Variants in LARS2 observed in about 807,000 individuals in gnomAD.
The protein encoded by LARS2 is leucine--tRNA ligase, mitochondrial.
Under a neutral mutation model 116.6 loss-of-function variants are expected in LARS2, and 81 were observed. The ratio of observed to expected loss-of-function variants is 0.69; its 90% CI spans 0.58 to 0.84. The LOEUF (loss-of-function observed/expected upper bound fraction) is 0.84. LARS2 is among the 40% of genes least tolerant of loss of function. The pLI is 0.00. For synonymous variants in LARS2, 396 were observed against 407.2 expected, an observed-to-expected ratio of 0.97 and a Z score of 0.33; for missense variants, 968 against 1,114.5, an observed-to-expected ratio of 0.87 and a Z score of 1.87.
chr3:45,477,964 T>C lies in LARS2; in HGVS notation c.1018+1337T>C, dbSNP rs554461570. On this transcript the variant is annotated intron_variant, in intron 10 of 21. Coordinates refer to ENST00000645846, the MANE Select transcript of LARS2 (RefSeq NM_015340.4). ...TTTCTAAAGAGCCTGCTGCATGCAC[T>C]CTTGGTGGGGCATAGATGAGCCATT... Among the ~76,000 whole-genome samples, 8 of 152,282 alleles carry C rather than the reference T, an allele frequency of 5.3e-5. No homozygotes were observed. The South Asian group carries it at 1.7e-3, about 32-fold the overall frequency.
intron 8 of LARS2, among the ~76,000 whole-genome samples, chr3:45,469,977 G>A (rs1359852793): frequency 6.6e-6 from 1 of 152,160 alleles, no homozygotes; most frequent in Non-Finnish European, 1.5e-5. Flanking sequence ...AGATGTTGTT[G>A]TTCAATCTTG....
chr3:45,463,875 G>C (rs898224531), intron 8 of LARS2, among the ~76,000 whole-genome samples: 4 of 152,024 alleles, frequency 2.6e-5, no homozygotes, highest in Admixed American at 1.3e-4. Context: ...TCTGCCCAGC[G>C]GTCCAAGGAG....
At chr3:45,430,402 C>G (rs1409646627) in intron 6 of LARS2, among the ~76,000 whole-genome samples, 3 of 150,018 alleles carry the variant, frequency 2.0e-5, no homozygotes, top group Non-Finnish European at 3.0e-5. Context: ...CCTCAGCCTC[C>G]TGAGTAGCTG....
At chr3:45,531,237 C>G (rs539524951) in intron 20 of LARS2, among the ~76,000 whole-genome samples, 23 of 150,874 alleles carry the variant, frequency 1.5e-4, no homozygotes, top group African/African-American at 5.4e-4. Flanking sequence ...TATATGTAGA[C>G]TGATAAAAAA....
chr3:45,426,977 G>A (rs949308432), intron 6 of LARS2, among the ~76,000 whole-genome samples: 1 of 152,174 alleles, frequency 6.6e-6, no homozygotes, highest in Non-Finnish European at 1.5e-5. Flanking sequence ...CTCAGTTTTG[G>A]TGATGGATCT....
intron 6 of LARS2, chr3:45,421,924 G>T (rs563309165): frequency 2.0e-5 from 3 of 152,302 alleles, no homozygotes; most frequent in African/African-American, 4.8e-5. Flanking sequence ...GGGAGCCGAG[G>T]CTCAGTTTTG....
At chr3:45,403,464 C>T (rs1356314106) in intron 4 of LARS2, among the ~76,000 whole-genome samples, 1 of 151,938 alleles carries the variant, frequency 6.6e-6, no homozygotes, top group Non-Finnish European at 1.5e-5. Flanking sequence ...TTACAGGCAC[C>T]CACCACCACA....
chr3:45,515,090 G>A (rs1323984111), intron 16 of LARS2, among the ~76,000 whole-genome samples: 1 of 152,134 alleles, frequency 6.6e-6, no homozygotes, highest in African/African-American at 2.4e-5. Context: ...GAGATTATTT[G>A]GCTGGAAGGA....
chr3:45,412,995 G>A (rs3821896), intron 4 of LARS2, among the ~76,000 whole-genome samples: 70,767 of 152,048 alleles, frequency 0.47, 17,677 homozygotes, highest in Non-Finnish European at 0.57. Flanking sequence ...GCTTTTAATC[G>A]AAGCACCTGA....
intron 2 of LARS2, among the ~76,000 whole-genome samples, chr3:45,394,000 G>A (rs544008713): frequency 6.7e-6 from 1 of 149,486 alleles, no homozygotes; most frequent in Non-Finnish European, 1.5e-5. Context: ...TGGGAGGCCT[G>A]TATTTAGACC....
intron 20 of LARS2, among the ~76,000 whole-genome samples, chr3:45,535,183 A>G (rs548538709): frequency 6.0e-4 from 91 of 152,208 alleles, no homozygotes; most frequent in Admixed American, 3.2e-3. Context: ...CTCTGTCTCT[A>G]CTAAAAAAAT....
intron 20 of LARS2, among the ~76,000 whole-genome samples, chr3:45,538,858 G>C (rs1013032230): frequency 6.6e-6 from 1 of 152,208 alleles, no homozygotes; most frequent in African/African-American, 2.4e-5. Flanking sequence ...ACAAGATAAG[G>C]AGCTTGTGCT....
chr3:45,519,895 A>G, intron 18 of LARS2: 1 of 214,844 alleles, frequency 4.7e-6, no homozygotes, highest in Non-Finnish European at 9.4e-6. Flanking sequence ...TAATCCACCC[A>G]CCTCGGCCTT....
intron 20 of LARS2, 102 bp from the exon 21 acceptor site, chr3:45,541,727 C>A (rs1360529716): frequency 2.7e-5 from 40 of 1,463,652 alleles, no homozygotes; most frequent in Non-Finnish European, 3.4e-5. Context: ...GCTCCTCACA[C>A]AGCTCCAAGC....
chr3:45,394,976 G>A (rs1433944584), intron 3 of LARS2, among the ~76,000 whole-genome samples: 2 of 152,090 alleles, frequency 1.3e-5, no homozygotes, highest in East Asian at 1.9e-4. Flanking sequence ...TATTGCGCAC[G>A]AGGTGTATGA....
At chr3:45,401,185 G>A (rs1429890127) in intron 4 of LARS2, among the ~76,000 whole-genome samples, 1 of 152,096 alleles carries the variant, frequency 6.6e-6, no homozygotes, top group East Asian at 1.9e-4. Context: ...CAACTCTGGG[G>A]AGTTGGGGAA....
At chr3:45,438,077 G>A (rs1343849792) in intron 6 of LARS2, among the ~76,000 whole-genome samples, 1 of 152,090 alleles carries the variant, frequency 6.6e-6, no homozygotes, top group African/African-American at 2.4e-5. Flanking sequence ...ACTACCTCCT[G>A]GGATTGTGAT....
chr3:45,452,296 C>T (rs1323228993), intron 7 of LARS2, among the ~76,000 whole-genome samples: 1 of 151,962 alleles, frequency 6.6e-6, no homozygotes, highest in African/African-American at 2.4e-5. Flanking sequence ...CAATTTTTTC[C>T]CATTCAGTGT....
At position 45,516,104 on chromosome 3, in the gene LARS2, T is replaced by C; in HGVS notation, c.1872T>C (p.Pro624=). The C allele has an allele frequency of 1.2e-6, 2 of 1,614,094 alleles. No homozygotes were observed. The highest frequency in any genetic ancestry group is 1.7e-6 in the Non-Finnish European group (2 of 1,179,944). Reference sequence around the variant, plus strand: ...TATTTTGGCATCTAGGTTCCGTTCCTGTTCATGCAAAAACGAAAGAGAAGT... The same window carrying C: ...TATTTTGGCATCTAGGTTCCGTTCCCGTTCATGCAAAAACGAAAGAGAAGT... The part of the protein sequence containing the change: ...REEVDLTGSV[P]VHAKTKEKLE... Residue 624 remains proline, a synonymous_variant, in exon 17 of 22, where the codon CCT becomes CCC. Transcript: ENST00000645846.
Sources: allele counts gnomAD v4.1 joint callset (sites outside exome capture counted in the v4.1 genomes callset), GRCh38; gene constraint gnomAD v4.1.1; transcripts MANE v1.5; gene names NCBI Gene and HGNC (gene_info 2026-07-23, HGNC 2026-07-21).